Variants in PKIB observed in about 807,000 individuals in gnomAD.
PKIB encodes the protein PKI-beta.
Under a neutral mutation model 4.5 loss-of-function variants are expected in PKIB, and 2 were observed. The ratio of observed to expected loss-of-function variants is 0.44; its 90% CI spans 0.18 to 1.39. PKIB has a LOEUF of 1.39. Among genes scored for constraint, PKIB ranks in the 40% most tolerant of loss-of-function variants. PKIB has a pLI of 0.27. For missense variants in PKIB, 94 were observed against 92.6 expected, an observed-to-expected ratio of 1.02 and a Z score of -0.06; for synonymous variants, 38 against 36.0, an observed-to-expected ratio of 1.06 and a Z score of -0.20.
chr6:122,682,000 G>A (rs1777913836), intron 3 of PKIB, among the ~76,000 whole-genome samples: 1 of 152,184 alleles, frequency 6.6e-6, no homozygotes, highest in Admixed American at 6.5e-5. Context: ...AGTCTAGCGT[G>A]AGAAATTTCT....
At chr6:122,539,089 A>G (rs1777503086) in intron 2 of PKIB, among the ~76,000 whole-genome samples, 1 of 152,022 alleles carries the variant, frequency 6.6e-6, no homozygotes, top group South Asian at 2.1e-4. Flanking sequence ...GGGCTGAGAC[A>G]ATGGGGTTTT....
intron 2 of PKIB, among the ~76,000 whole-genome samples, chr6:122,557,893 T>C (rs1435148809): frequency 3.3e-5 from 5 of 152,188 alleles, no homozygotes; most frequent in Non-Finnish European, 5.9e-5. Flanking sequence ...TAAGGTCTGA[T>C]TTTTACAATG....
intron 2 of PKIB, among the ~76,000 whole-genome samples, chr6:122,662,281 C>CTCTCTCCT (rs1309532272): frequency 1.2e-5 from 1 of 84,382 alleles, no homozygotes; most frequent in African/African-American, 4.1e-5. Flanking sequence ...AGGTCTCTTT[C>CTCTCTCCT]TCTCTCCTTC....
intron 2 of PKIB, among the ~76,000 whole-genome samples, chr6:122,552,617 A>T (rs935911486): frequency 6.6e-6 from 1 of 152,020 alleles, no homozygotes; most frequent in African/African-American, 2.4e-5. Context: ...GCCTCAAGTG[A>T]TCTGCCCGCC....
rs538847909 is a variant in PKIB at position 122,620,986 on chromosome 6, G to A, written c.-161+10451G>A. ...GATGATTTACTTACCTGACCATGTCGTTCCCTTGAGTTTCTTGTTATTATG... is the reference window on the plus strand; with the variant it reads ...GATGATTTACTTACCTGACCATGTCATTCCCTTGAGTTTCTTGTTATTATG... On this transcript the variant is annotated intron_variant, in intron 1 of 4. Transcript: ENST00000368452. Among the ~76,000 whole-genome samples the A allele has an allele frequency of 6.6e-5, 10 of 151,624 alleles. No individual in the cohort carries two copies. In the East Asian group the frequency reaches 1.2e-3, roughly 18 times the overall value.
intron 2 of PKIB, among the ~76,000 whole-genome samples, chr6:122,522,410 T>G (rs1691633063): frequency 1.3e-5 from 2 of 152,014 alleles, no homozygotes; most frequent in African/African-American, 2.4e-5. Flanking sequence ...TCACAGGCAT[T>G]CCAGGCACCA....
At chr6:122,547,852 G>A (rs763047753) in intron 2 of PKIB, among the ~76,000 whole-genome samples, 1 of 152,094 alleles carries the variant, frequency 6.6e-6, no homozygotes, top group Middle Eastern at 3.4e-3. Flanking sequence ...ACACAGCTGT[G>A]ATTATATAAC....
intron 1 of PKIB, among the ~76,000 whole-genome samples, chr6:122,622,585 G>A (rs1213326708): frequency 3.9e-5 from 6 of 152,160 alleles, no homozygotes; most frequent in African/African-American, 1.4e-4. Flanking sequence ...GGGGTGCACT[G>A]GGAACAGCTA....
rs374375885 is a variant in PKIB at position 122,508,751 on chromosome 6, T to C, written c.-248+30812T>C. Among the ~76,000 whole-genome samples, 51 of 152,250 alleles carry C rather than the reference T, an allele frequency of 3.3e-4. 1 individual carries two copies. Among genetic ancestry groups the C allele is most frequent in the African/African-American group, 1.2e-3 (51 of 41,560 alleles). ...TTTGAAACAATATTAACTGGCTGAT[T>C]AAAATTTTTTTTTTTTAGAGACAGA... is the stretch of plus-strand genomic sequence containing the variant. On this transcript the variant is annotated intron_variant, in intron 2 of 6. Transcript: ENST00000392491.
intron 2 of PKIB, among the ~76,000 whole-genome samples, chr6:122,533,679 G>A (rs1004847232): frequency 1.3e-5 from 2 of 152,042 alleles, no homozygotes; most frequent in African/African-American, 4.8e-5. Flanking sequence ...AGTTTATTTT[G>A]AATTGGATTA....
intron 2 of PKIB, among the ~76,000 whole-genome samples, chr6:122,635,393 A>T (rs1041780658): frequency 6.6e-6 from 1 of 152,188 alleles, no homozygotes; most frequent in African/African-American, 2.4e-5. Context: ...CACTACGTTT[A>T]AGTGACTATA....
intron 3 of PKIB, among the ~76,000 whole-genome samples, chr6:122,600,930 C>T (rs1774343772): frequency 1.3e-5 from 2 of 151,580 alleles, no homozygotes; most frequent in South Asian, 2.1e-4. Flanking sequence ...ATCTCATATG[C>T]TCATGAAAAT....
chr6:122,596,222 G>T (rs1287485079), intron 3 of PKIB, among the ~76,000 whole-genome samples: 1 of 152,158 alleles, frequency 6.6e-6, no homozygotes, highest in African/African-American at 2.4e-5. Flanking sequence ...TAATGCTACA[G>T]CTGTCCACTT....
chr6:122,672,968 G>A (rs1219897008), intron 2 of PKIB, among the ~76,000 whole-genome samples: 2 of 151,902 alleles, frequency 1.3e-5, no homozygotes, highest in African/African-American at 4.8e-5. Context: ...TAGTATTTTT[G>A]TGTTAAGCAT....
intron 2 of PKIB, among the ~76,000 whole-genome samples, chr6:122,532,773 A>G (rs1178943699): frequency 2.0e-5 from 3 of 152,134 alleles, no homozygotes; most frequent in African/African-American, 7.2e-5. Flanking sequence ...CCTTTGACAG[A>G]CATTTGGGTT....
chr6:122,526,506 A>C (rs1171980274), intron 2 of PKIB, among the ~76,000 whole-genome samples: 1 of 152,150 alleles, frequency 6.6e-6, no homozygotes, highest in East Asian at 1.9e-4. Flanking sequence ...GCACAAAAAC[A>C]ACATTAATTT....
At chr6:122,670,148 C>A (rs1777396604) in intron 2 of PKIB, among the ~76,000 whole-genome samples, 1 of 152,130 alleles carries the variant, frequency 6.6e-6, no homozygotes, top group South Asian at 2.1e-4. Flanking sequence ...ACCACATTCC[C>A]TTCTCTTTCA....
chr6:122,712,609 T>G lies in PKIB; in HGVS notation c.-8-5178T>G, dbSNP rs1012464319. Among the ~76,000 whole-genome samples the G allele has an allele frequency of 1.1e-4, 16 of 152,282 alleles. No homozygotes were observed. In the East Asian group the frequency reaches 3.1e-3, roughly 29 times the overall value. On this transcript the variant is annotated intron_variant, in intron 3 of 4. Coordinates refer to ENST00000368452, the MANE Select transcript of PKIB (RefSeq NM_181795.3). ...ACTGACATTTTTTCCAAAATGCATG[T>G]TTTTACTTCTTTGTTATTTTGTGTT...
chr6:122,655,649 C>T (rs558811896), intron 2 of PKIB, among the ~76,000 whole-genome samples: 1 of 152,164 alleles, frequency 6.6e-6, no homozygotes, highest in African/African-American at 2.4e-5. Context: ...ATGGAGGTAA[C>T]AGTCTAGTAG....
Sources: allele counts gnomAD v4.1 joint callset (sites outside exome capture counted in the v4.1 genomes callset), GRCh38; gene constraint gnomAD v4.1.1; transcripts MANE v1.5; gene names NCBI Gene and HGNC (gene_info 2026-07-23, HGNC 2026-07-21).